CREB5: variants seen among roughly 807,000 people sequenced by gnomAD.
CREB5 encodes the protein cyclic AMP-responsive element-binding protein 5.
CREB5 carries 19 observed loss-of-function variants against 57.1 expected under a neutral mutation model. That is an observed-to-expected ratio of 0.33 (90% CI 0.23 to 0.49). The LOEUF (loss-of-function observed/expected upper bound fraction) is 0.49. CREB5 is among the 20% of genes least tolerant of loss of function. CREB5 has a pLI of 0.99. For synonymous variants in CREB5, 238 were observed against 238.3 expected, an observed-to-expected ratio of 1.00 and a Z score of 0.01; for missense variants, 579 against 671.6, an observed-to-expected ratio of 0.86 and a Z score of 1.52.
chr7:28,657,097 A>C (rs182162108), intron 5 of CREB5, among the ~76,000 whole-genome samples: 1 of 152,166 alleles, frequency 6.6e-6, no homozygotes, highest in South Asian at 2.1e-4. Flanking sequence ...TCCCTCCTGA[A>C]AATACACCTG....
chr7:28,622,772 G>T (rs10278699), intron 5 of CREB5, among the ~76,000 whole-genome samples: 2,476 of 152,120 alleles, frequency 0.016, 62 homozygotes, highest in African/African-American at 0.055. Context: ...TGTAATCCTA[G>T]AACTTTGGGA....
chr7:28,824,168 C>T lies in CREB5; in HGVS notation c.*4889C>T, dbSNP rs1202433264. On this transcript the variant is annotated 3_prime_UTR_variant, in exon 11 of 11. Transcript: ENST00000357727. The stretch of plus-strand genomic sequence containing the variant: ...AGCTGAGACCTGTGTCTCACATCAG[C>T]CTAGGTGAAGCCTACTACAAGAATG... 3 of 152,490 alleles carry T rather than the reference C, an allele frequency of 2.0e-5. No homozygotes were observed. Among genetic ancestry groups the T allele is most frequent in the Admixed American group, 6.6e-5 (1 of 15,262 alleles). 9.4% of individuals were successfully genotyped at this position (152,490 alleles called of 1,614,324 possible). A position where few individuals can be genotyped will look rare whatever the true frequency, so the allele number is the denominator to read the frequency against.
At chr7:28,704,932 C>CAAGTCAG (rs1802033489) in intron 5 of CREB5, among the ~76,000 whole-genome samples, 1 of 152,212 alleles carries the variant, frequency 6.6e-6, no homozygotes, top group Non-Finnish European at 1.5e-5. Flanking sequence ...AGTAGACACT[C>CAAGTCAG]TTGCTGGTGT....
chr7:28,516,539 C>T (rs1792963989), intron 4 of CREB5, among the ~76,000 whole-genome samples: 1 of 152,200 alleles, frequency 6.6e-6, no homozygotes, highest in South Asian at 2.1e-4. Flanking sequence ...CTCAGCTCAG[C>T]TGCAGCCTGT....
intron 1 of CREB5, among the ~76,000 whole-genome samples, chr7:28,427,710 C>T (rs954568244): frequency 6.6e-6 from 1 of 152,098 alleles, no homozygotes; most frequent in African/African-American, 2.4e-5. Flanking sequence ...TCCTCCTCAC[C>T]CCTCCTAGCC....
At chr7:28,366,795 A>G (rs564614174) in intron 1 of CREB5, among the ~76,000 whole-genome samples, 3 of 152,322 alleles carry the variant, frequency 2.0e-5, no homozygotes, top group Admixed American at 6.5e-5. Context: ...AACTTCATCA[A>G]ACTGACACCA....
At chr7:28,501,677 C>T (rs1334727061) in intron 3 of CREB5, among the ~76,000 whole-genome samples, 1 of 152,144 alleles carries the variant, frequency 6.6e-6, no homozygotes, top group Non-Finnish European at 1.5e-5. Context: ...CTAGCTCACT[C>T]GGCCAGCAGA....
intron 1 of CREB5, among the ~76,000 whole-genome samples, chr7:28,425,396 C>T (rs757940156): frequency 6.6e-6 from 1 of 151,210 alleles, no homozygotes. Context: ...TAGGCAAATC[C>T]GTAGAGACAG....
At chr7:28,474,310 G>A (rs574778353) in intron 1 of CREB5, among the ~76,000 whole-genome samples, 263 of 152,282 alleles carry the variant, frequency 1.7e-3, no homozygotes, top group Non-Finnish European at 2.0e-3. Flanking sequence ...CTCAGTTTCC[G>A]CGGGTGTTGA....
chr7:28,400,716 A>G lies in CREB5; in HGVS notation c.-24-94190A>G, dbSNP rs138123839. On this transcript the variant is annotated intron_variant, in intron 1 of 9. Coordinates refer to the CREB5 transcript ENST00000396299. ...ATGTAAGAACGAGGAGGAATCGCTG[A>G]TCAATTAGGTTTAAAAGCTACTGAA... Among the ~76,000 whole-genome samples, 242 of 152,316 alleles carry G rather than the reference A, an allele frequency of 1.6e-3. 3 individuals are homozygous for G. The highest frequency in any genetic ancestry group is 5.6e-3 in the African/African-American group (231 of 41,572).
At chr7:28,664,521 T>C (rs1020502452) in intron 5 of CREB5, among the ~76,000 whole-genome samples, 1 of 152,250 alleles carries the variant, frequency 6.6e-6, no homozygotes, top group Non-Finnish European at 1.5e-5. Context: ...TTTATTCTTC[T>C]GACTTCTCTT....
chr7:28,469,943 G>T (rs1583501724), intron 1 of CREB5, among the ~76,000 whole-genome samples: 1 of 152,106 alleles, frequency 6.6e-6, no homozygotes, highest in Non-Finnish European at 1.5e-5. Context: ...ATTTTTGTGA[G>T]TACATAGTAA....
intron 5 of CREB5, among the ~76,000 whole-genome samples, chr7:28,714,141 T>A (rs891356526): frequency 6.6e-6 from 1 of 152,062 alleles, no homozygotes; most frequent in Non-Finnish European, 1.5e-5. Flanking sequence ...TGTATTTTTC[T>A]TTTTGTAGAG....
intron 5 of CREB5, among the ~76,000 whole-genome samples, chr7:28,693,560 T>C (rs933016126): frequency 6.6e-6 from 1 of 152,084 alleles, no homozygotes; most frequent in Non-Finnish European, 1.5e-5. Flanking sequence ...CAAAACAAGC[T>C]TTTGTGCAGA....
intron 1 of CREB5, among the ~76,000 whole-genome samples, chr7:28,360,549 G>A (rs915902179): frequency 1.3e-5 from 2 of 152,080 alleles, no homozygotes; most frequent in Non-Finnish European, 2.9e-5. Flanking sequence ...GTACTGTGGT[G>A]GTTACGAAAG....
chr7:28,571,675 T>C (rs1337684469), intron 5 of CREB5, among the ~76,000 whole-genome samples: 3 of 152,198 alleles, frequency 2.0e-5, no homozygotes, highest in Non-Finnish European at 4.4e-5. Flanking sequence ...CGTGGGCATT[T>C]CCAGGGAGCT....
At chr7:28,693,039 G>C (rs191820675) in intron 5 of CREB5, among the ~76,000 whole-genome samples, 1 of 152,358 alleles carries the variant, frequency 6.6e-6, no homozygotes, top group East Asian at 1.9e-4. Context: ...TTATTATGGA[G>C]AGTGGGACAG....
chr7:28,319,438 C>T (rs185578730), intron 1 of CREB5, among the ~76,000 whole-genome samples: 21 of 152,262 alleles, frequency 1.4e-4, no homozygotes, highest in African/African-American at 4.6e-4. Context: ...AAAGGTGTGT[C>T]GTCCTTTGAT....
chr7:28,674,582 C>A (rs955648578), intron 5 of CREB5, among the ~76,000 whole-genome samples: 1 of 152,208 alleles, frequency 6.6e-6, no homozygotes, highest in Non-Finnish European at 1.5e-5. Context: ...GACCAACCTG[C>A]TGAGCTCAGA....
Sources: gnomAD v4.1 joint callset for allele counts (sites outside exome capture counted in the v4.1 genomes callset) on GRCh38, gnomAD v4.1.1 for gene constraint, MANE v1.5 for transcripts, NCBI Gene and HGNC (gene_info 2026-07-23, HGNC 2026-07-21) for gene names.